The following FAM47E variants were observed in gnomAD, a reference collection of about 807,000 sequenced individuals.
FAM47E encodes the protein family with sequence similarity 47 member E.
FAM47E carries 32 observed loss-of-function variants against 41.6 expected under a neutral mutation model. The observed-to-expected ratio is 0.77, with a 90% CI of 0.58 to 1.03. FAM47E has a LOEUF of 1.03. FAM47E is among the 50% of genes least tolerant of loss of function. The pLI is 0.00. For synonymous variants in FAM47E, 184 were observed against 188.7 expected, an observed-to-expected ratio of 0.98 and a Z score of 0.20; for missense variants, 424 against 485.4, an observed-to-expected ratio of 0.87 and a Z score of 1.19.
At chr4:76,276,037 G>GACAGACAGACAC (rs1553957135) in intron 5 of FAM47E, among the ~76,000 whole-genome samples, 7 of 62,402 alleles carry the variant, frequency 1.1e-4, no homozygotes, top group Non-Finnish European at 2.5e-4. Flanking sequence ...CAGACAGACA[G>GACAGACAGACAC]ACACACACAC....
At chr4:76,261,508 C>A (rs1374643228) in intron 2 of FAM47E, among the ~76,000 whole-genome samples, 1 of 152,118 alleles carries the variant, frequency 6.6e-6, no homozygotes, top group Non-Finnish European at 1.5e-5. Flanking sequence ...AGAATGAAGT[C>A]ATGTCTATCG....
At chr4:76,252,931 A>C (rs766096725) in intron 1 of FAM47E, among the ~76,000 whole-genome samples, 1 of 152,166 alleles carries the variant, frequency 6.6e-6, no homozygotes, top group African/African-American at 2.4e-5. Flanking sequence ...ACTTGCACTC[A>C]GGTGTGTGAG....
At position 76,225,679 on chromosome 4, in the gene FAM47E, T is replaced by C. The variant is rs182854433; in HGVS notation, c.81+7991T>C. Among the ~76,000 whole-genome samples, 117 of 152,376 alleles carry C rather than the reference T, an allele frequency of 7.7e-4. No individual in the cohort carries two copies. The Middle Eastern group carries it at 0.01, about 13-fold the overall frequency. On this transcript the variant is annotated intron_variant, in intron 2 of 7. Transcript: ENST00000510197. ...TTTGTTTTTAATTCTGTTGATGTGA[T>C]GTATCACACTTATTGACTTGCGTAA...
chr4:76,229,009 C>T (rs1226683807), intron 2 of FAM47E, among the ~76,000 whole-genome samples: 3 of 152,184 alleles, frequency 2.0e-5, no homozygotes, highest in African/African-American at 7.2e-5. Context: ...TCCCTAATTT[C>T]ATGGACGCTT....
chr4:76,234,143 G>A (rs1046900786), intron 2 of FAM47E, among the ~76,000 whole-genome samples: 3 of 152,108 alleles, frequency 2.0e-5, no homozygotes, highest in Non-Finnish European at 4.4e-5. Context: ...GGGTGGAGGG[G>A]AGCCGCTGCT....
At chr4:76,219,423 T>C (rs1476323330) in intron 2 of FAM47E, among the ~76,000 whole-genome samples, 1 of 152,220 alleles carries the variant, frequency 6.6e-6, no homozygotes, top group Non-Finnish European at 1.5e-5. Context: ...CAAATGAAGC[T>C]TGGGTTGGGT....
In FAM47E at chr4:76,271,678, G is replaced by T. The variant is rs202038650; in HGVS notation, c.780G>T (p.Leu260=). The change falls in exon 5 of 8, where the codon CTG becomes CTT. Residue 260 remains leucine (L), a synonymous_variant. Coordinates refer to ENST00000424749, the MANE Select transcript of FAM47E (RefSeq NM_001136570.3). ...CGATGAAGCTAAATCAGGTTCCTCT[G>T]GAGCTAAAGCGTAGTGTGGGGCTCA... ...LHTMKLNQVP[L]ELKRSVGLSK... is the part of the protein sequence containing the mutation. 322 of 1,551,910 alleles carry T rather than the reference G, an allele frequency of 2.1e-4. 2 individuals carry two copies. The Middle Eastern group carries it at 0.012, about 58-fold the overall frequency.
At chr4:76,259,846 G>A (rs1734334615) in intron 2 of FAM47E, among the ~76,000 whole-genome samples, 1 of 151,980 alleles carries the variant, frequency 6.6e-6, no homozygotes, top group Non-Finnish European at 1.5e-5. Context: ...TCCTAGACCT[G>A]ATAAACGACT....
chr4:76,240,484 C>A (rs975464488), intron 2 of FAM47E, among the ~76,000 whole-genome samples: 4 of 151,882 alleles, frequency 2.6e-5, no homozygotes, highest in Non-Finnish European at 5.9e-5. Flanking sequence ...AATCTCTTTG[C>A]CCCTTTCTCT....
intron 2 of FAM47E, among the ~76,000 whole-genome samples, chr4:76,245,312 A>G (rs1733801950): frequency 6.6e-6 from 1 of 152,184 alleles, no homozygotes; most frequent in South Asian, 2.1e-4. Flanking sequence ...AGAGCCAAAC[A>G]GGGGACATAG....
intron 4 of FAM47E, among the ~76,000 whole-genome samples, chr4:76,270,153 G>C (rs1459992802): frequency 6.6e-6 from 1 of 152,094 alleles, no homozygotes; most frequent in Non-Finnish European, 1.5e-5. Flanking sequence ...TTTAGATGTT[G>C]TTCCTATCTT....
intron 1 of FAM47E, among the ~76,000 whole-genome samples, chr4:76,255,145 T>C (rs1015509326): frequency 6.6e-6 from 1 of 152,160 alleles, no homozygotes; most frequent in Non-Finnish European, 1.5e-5. Flanking sequence ...TATGTGAACA[T>C]TTTTATTTAT....
intron 2 of FAM47E, among the ~76,000 whole-genome samples, chr4:76,230,574 T>C (rs887509428): frequency 1.3e-5 from 2 of 152,206 alleles, no homozygotes; most frequent in African/African-American, 2.4e-5. Flanking sequence ...AGAGAGTTTA[T>C]GCCCAATAAA....
chr4:76,260,914 A>G (rs568730374), intron 2 of FAM47E, among the ~76,000 whole-genome samples: 3 of 152,026 alleles, frequency 2.0e-5, no homozygotes, highest in Non-Finnish European at 4.4e-5. Flanking sequence ...AAGTCTCCCC[A>G]GGAGGTTAAG....
intron 1 of FAM47E, among the ~76,000 whole-genome samples, chr4:76,216,868 A>T (rs548529413): frequency 6.6e-6 from 1 of 152,364 alleles, no homozygotes; most frequent in South Asian, 2.1e-4. Context: ...AGCTTTTAAG[A>T]AAATAATGTA....
chr4:76,238,522 T>C (rs1217467708), intron 2 of FAM47E, among the ~76,000 whole-genome samples: 2 of 152,148 alleles, frequency 1.3e-5, no homozygotes, highest in Non-Finnish European at 2.9e-5. Flanking sequence ...AATTCCTAGC[T>C]CAGCCCAGTG....
At chr4:76,281,377 C>G (rs1735338610) in intron 7 of FAM47E, 1 of 152,058 alleles carries the variant, frequency 6.6e-6, no homozygotes. Context: ...TTTGGAGGAA[C>G]TCCTTTAGCT....
At chr4:76,269,998 A>AT (rs1734819611) in intron 4 of FAM47E, among the ~76,000 whole-genome samples, 1 of 151,938 alleles carries the variant, frequency 6.6e-6, no homozygotes, top group East Asian at 1.9e-4. Context: ...TAGTCAATGT[A>AT]TTTTTTTTAG....
intron 7 of FAM47E, chr4:76,281,884 C>T (rs1252611915): frequency 6.6e-6 from 1 of 152,180 alleles, no homozygotes; most frequent in Non-Finnish European, 1.5e-5. Flanking sequence ...CCAGGGGTGT[C>T]ACCGCCTTCT....
Sources: allele counts gnomAD v4.1 joint callset (sites outside exome capture counted in the v4.1 genomes callset), GRCh38; gene constraint gnomAD v4.1.1; transcripts MANE v1.5; gene names NCBI Gene and HGNC (gene_info 2026-07-23, HGNC 2026-07-21).